STAT4: variants seen among roughly 807,000 people sequenced by gnomAD.
STAT4 encodes the protein signal transducer and activator of transcription 4.
Under a neutral mutation model 110.5 loss-of-function variants are expected in STAT4, and 42 were observed. The ratio of observed to expected loss-of-function variants is 0.38; its 90% confidence interval spans 0.30 to 0.49. STAT4 has a LOEUF of 0.49. Among genes scored for constraint, STAT4 ranks in the 20% least tolerant of loss-of-function variants. STAT4 has a pLI of 0.95. For missense variants in STAT4, 632 were observed against 887.9 expected (o/e 0.71, Z 3.66); for synonymous variants, 284 against 302.2 (o/e 0.94, Z 0.63).
At chr2:191,101,417 G>T (rs970554388) in intron 3 of STAT4, among the ~76,000 whole-genome samples, 1 of 152,040 alleles carries the variant, frequency 6.6e-6, no homozygotes, top group Non-Finnish European at 1.5e-5. Flanking sequence ...ATTAAAAATT[G>T]TTCGACAACA....
rs1429525102 is a variant in STAT4 at position 191,099,860 on chromosome 2, A to T, written c.274-23535T>A. Among the ~76,000 whole-genome samples, 1 of 152,176 alleles carries T rather than the reference A, an allele frequency of 6.6e-6. No homozygotes were observed. Among genetic ancestry groups the T allele is most frequent in the African/African-American group, 2.4e-5 (1 of 41,460 alleles). ...TATGATCTACTTTATGGAAAATTAC[A>T]TGAGTGTGTATGCAGTAAAAGTATG... On this transcript the variant is annotated intron_variant, in intron 3 of 23. Coordinates refer to ENST00000392320, the MANE Select transcript of STAT4 (RefSeq NM_003151.4). The surrounding 1 kb of genome is among the most constrained non-coding windows in gnomAD (Gnocchi z 4.1).
Position 191,030,439 on chromosome 2 carries a change from G to A in STAT4, c.2220+533C>T, listed in dbSNP as rs899575644. 6.6e-6 allele frequency among the ~76,000 whole-genome samples: 1 copy of A among 152,108 alleles called. No individual in the cohort carries two copies. Among genetic ancestry groups the A allele is most frequent in the African/African-American group, 2.4e-5 (1 of 41,418 alleles). On this transcript the variant is annotated intron_variant, in intron 23 of 23. Coordinates refer to ENST00000392320, the MANE Select transcript of STAT4 (RefSeq NM_003151.4). This position sits in a 1 kb window ranked among gnomAD's most constrained non-coding sequence, Gnocchi z 4.4. Reference sequence around the variant, plus strand: ...AGATTATGACTCATTTCTCAAAAAGGAGAGCATTATTATGCCATTGACTGT... The same window carrying A: ...AGATTATGACTCATTTCTCAAAAAGAAGAGCATTATTATGCCATTGACTGT...
At chr2:191,141,444 GTATATCACATATATACATA>G (rs1699323099) in intron 3 of STAT4, among the ~76,000 whole-genome samples, 2 of 32,288 alleles carry the variant, frequency 6.2e-5, no homozygotes. Context: ...ATATACATAT[GTATATCACATATATACATA>G]TGTATATCAC....
At chr2:191,079,716 T>C (rs1697410716) in intron 3 of STAT4, among the ~76,000 whole-genome samples, 2 of 152,098 alleles carry the variant, frequency 1.3e-5, no homozygotes, top group African/African-American at 4.8e-5. Context: ...AAAATGTATT[T>C]GTTAATTTCT....
At chr2:191,074,274 A>G (rs1159532189) in intron 4 of STAT4, among the ~76,000 whole-genome samples, 1 of 152,224 alleles carries the variant, frequency 6.6e-6, no homozygotes, top group Non-Finnish European at 1.5e-5. Context: ...CCATGGTTAG[A>G]AAGGTTGATA....
rs1447958204 is a variant in STAT4 at position 191,142,262 on chromosome 2, A to G, written c.273+4351T>C. 6.6e-6 allele frequency among the ~76,000 whole-genome samples: 1 copy of G among 151,998 alleles called. No homozygotes were observed. The highest frequency in any genetic ancestry group is 1.5e-5 in the Non-Finnish European group (1 of 67,976). The stretch of plus-strand genomic sequence containing the variant: ...ACACACATGCATACACACATATAAT[A>G]GAATACTATTTGGCCATAAAAAGAA... On this transcript the variant is annotated intron_variant, in intron 3 of 23. Coordinates refer to ENST00000392320, the MANE Select transcript of STAT4 (RefSeq NM_003151.4). The surrounding 1 kb of genome is among the most constrained non-coding windows in gnomAD (Gnocchi z 4.1).
intron 4 of STAT4, among the ~76,000 whole-genome samples, chr2:191,074,331 C>A (rs753395734): frequency 1.7e-4 from 26 of 152,168 alleles, no homozygotes; most frequent in Non-Finnish European, 2.9e-4. Context: ...AAGTAGAGCC[C>A]ATGTCCTTGA....
chr2:191,146,671 G>C lies in STAT4; in HGVS notation c.215C>G (p.Ser72Cys). 1.3e-6 allele frequency: 2 copies of C among 1,589,524 alleles called. No individual in the cohort carries two copies. Among genetic ancestry groups the C allele is most frequent in the African/African-American group, 2.7e-5 (2 of 73,910 alleles). ...IQLDEQLGRVSKEKNLLLIHN... is the reference protein window; with the variant it reads ...IQLDEQLGRVCKEKNLLLIHN... ...TATCAAGAGTAGGTTTTTCTCTTTG[G>C]AAACACGACCTAACTGTTCATCCAG... The change falls in exon 3 of 24, where the codon TCC (serine) becomes TGC (cysteine). Residue 72 changes from serine to cysteine, a missense_variant. Transcript: ENST00000392320. The surrounding 1 kb of genome is among the most constrained non-coding windows in gnomAD (Gnocchi z 4.5).
At position 191,051,337 on chromosome 2, in the gene STAT4, A is replaced by G. The variant is rs1328328106; in HGVS notation, c.1251+3153T>C. On this transcript the variant is annotated intron_variant, in intron 14 of 23. Transcript: ENST00000392320. This position sits in a 1 kb window ranked among gnomAD's most constrained non-coding sequence, Gnocchi z 5.6. ...GAGAGGAGGCTGATCTGTAAATGCC[A>G]TCACCAACATCTACACAGCCCACCA... Among the ~76,000 whole-genome samples, 1 of 152,228 alleles carries G rather than the reference A, an allele frequency of 6.6e-6. No homozygotes were observed.
chr2:191,029,670 C>G lies in STAT4; in HGVS notation c.*170G>C. ...TTGGTTTCAAGCATTTCAGTCACAA[C>G]ACTCCCAATTGAGGAGTGCCACGGG... On this transcript the variant is annotated 3_prime_UTR_variant, in exon 24 of 24. Coordinates refer to ENST00000392320, the MANE Select transcript of STAT4 (RefSeq NM_003151.4). This position sits in a 1 kb window ranked among gnomAD's most constrained non-coding sequence, Gnocchi z 4.5. 1 of 631,896 alleles carries G rather than the reference C, an allele frequency of 1.6e-6. No homozygotes were observed. The highest frequency in any genetic ancestry group is 2.7e-6 in the Non-Finnish European group (1 of 366,220). 39.1% of individuals were successfully genotyped at this position (631,896 alleles called of 1,614,324 possible).
intron 14 of STAT4, among the ~76,000 whole-genome samples, chr2:191,054,161 C>T (rs1216750052): frequency 3.1e-5 from 4 of 129,532 alleles, no homozygotes; most frequent in Non-Finnish European, 6.6e-5. Context: ...AAAAAAGATA[C>T]ATTGCTATGT....
rs2125149726 is a variant in STAT4 at position 191,035,868 on chromosome 2, A to G, written c.1570+296T>C. Among the ~76,000 whole-genome samples the G allele has an allele frequency of 6.6e-6, 1 of 152,318 alleles. No homozygotes were observed. Among genetic ancestry groups the G allele is most frequent in the African/African-American group, 2.4e-5 (1 of 41,580 alleles). On this transcript the variant is annotated intron_variant, in intron 17 of 23. Coordinates refer to ENST00000392320, the MANE Select transcript of STAT4 (RefSeq NM_003151.4). The surrounding 1 kb of genome is among the most constrained non-coding windows in gnomAD (Gnocchi z 4.7). The stretch of plus-strand genomic sequence containing the variant: ...ACAAGGAGGGGCTTTAGACCTGGAC[A>G]GGTCTGGCCTGTGGCTTGGTGCTGC...
Position 191,033,015 on chromosome 2 carries a change from G to T in STAT4, c.1987C>A (p.Pro663Thr). 1.2e-6 allele frequency: 2 copies of T among 1,614,200 alleles called. No individual in the cohort carries two copies. The highest frequency in any genetic ancestry group is 1.7e-6 in the Non-Finnish European group (2 of 1,180,028). ...AAGGCTTTGTCTTTGGGAATGTCAG[G>T]ATATAGGTACTTCAGAGGGTTTTCA... ...IPENPLKYLY[P>T]DIPKDKAFGK... Residue 663 changes from proline to threonine, a missense_variant, in exon 21 of 24, where the codon CCT becomes ACT. Physicochemically the swap from Pro to Thr is conservative, Grantham distance 38 (BLOSUM62 -1). Around this residue, in one of 4 missense-constraint regions of STAT4, gnomAD observed 74 missense variants for 154.3 expected, o/e 0.48. Coordinates refer to ENST00000392320, the MANE Select transcript of STAT4 (RefSeq NM_003151.4). This position sits in a 1 kb window ranked among gnomAD's most constrained non-coding sequence, Gnocchi z 6.9.
chr2:191,036,731 G>T (rs995517221), intron 16 of STAT4, among the ~76,000 whole-genome samples: 1 of 152,050 alleles, frequency 6.6e-6, no homozygotes, highest in Non-Finnish European at 1.5e-5. Context: ...AGCTTGCCTT[G>T]GTCACTCCTT....
At position 191,046,367 on chromosome 2, in the gene STAT4, G is replaced by A. The variant is rs1251859241; in HGVS notation, c.1252-5219C>T. Reference sequence around the variant, plus strand: ...TGGGTAAAGATAGCACAGCCATCTTGAGCCATTGCCTGTCCCCTTTGCTTC... The same window carrying A: ...TGGGTAAAGATAGCACAGCCATCTTAAGCCATTGCCTGTCCCCTTTGCTTC... On this transcript the variant is annotated intron_variant, in intron 14 of 23. Transcript: ENST00000392320. The surrounding 1 kb of genome is among the most constrained non-coding windows in gnomAD (Gnocchi z 4.6). Among the ~76,000 whole-genome samples the A allele has an allele frequency of 6.6e-6, 1 of 152,178 alleles. No individual in the cohort carries two copies. Among genetic ancestry groups the A allele is most frequent in the East Asian group, 1.9e-4 (1 of 5,198 alleles).
intron 8 of STAT4, 93 bp downstream of exon 8, chr2:191,064,714 G>A: frequency 1.4e-6 from 2 of 1,439,138 alleles, no homozygotes; most frequent in South Asian, 1.4e-5. Flanking sequence ...ATGAACTGAT[G>A]TTGCAGTCTA....
chr2:191,112,548 G>A lies in STAT4; in HGVS notation c.273+34065C>T, dbSNP rs904302102. 6.6e-6 allele frequency among the ~76,000 whole-genome samples: 1 copy of A among 152,288 alleles called. No homozygotes were observed. Among genetic ancestry groups the A allele is most frequent in the East Asian group, 1.9e-4 (1 of 5,186 alleles). Reference sequence around the variant, plus strand: ...ATTTTTTACTAAAACATGCCCTGTGGCACAATCTATATGTAGTATAGGATA... The same window carrying A: ...ATTTTTTACTAAAACATGCCCTGTGACACAATCTATATGTAGTATAGGATA... On this transcript the variant is annotated intron_variant, in intron 3 of 23. Coordinates refer to ENST00000392320, the MANE Select transcript of STAT4 (RefSeq NM_003151.4). The surrounding 1 kb of genome is among the most constrained non-coding windows in gnomAD (Gnocchi z 4.3).
chr2:191,078,604 C>T, intron 3 of STAT4, among the ~76,000 whole-genome samples: 1 of 152,086 alleles, frequency 6.6e-6, no homozygotes, highest in Admixed American at 6.6e-5. Flanking sequence ...CTCATATTTA[C>T]CTTTCAGCAG....
chr2:191,102,518 C>T (rs757237556), intron 3 of STAT4, among the ~76,000 whole-genome samples: 2 of 152,146 alleles, frequency 1.3e-5, no homozygotes, highest in Non-Finnish European at 2.9e-5. Flanking sequence ...TCACTACAAG[C>T]TCCTCCCGCT....
Sources: allele counts gnomAD v4.1 joint callset (sites outside exome capture counted in the v4.1 genomes callset), GRCh38; gene constraint gnomAD v4.1.1; regional missense constraint gnomAD v4.1.1; non-coding constraint Gnocchi (gnomAD v3.1); transcripts MANE v1.5; gene names NCBI Gene and HGNC (gene_info 2026-07-23, HGNC 2026-07-21).